The following USP34 variants were observed in gnomAD, a reference collection of about 807,000 sequenced individuals.
USP34 encodes ubiquitin specific peptidase 34.
In USP34, 70 loss-of-function variants were observed where a neutral mutation model predicts 460.3. The ratio of observed to expected loss-of-function variants is 0.15; its 90% CI spans 0.13 to 0.19. The LOEUF is 0.19. Among genes scored for constraint, USP34 ranks in the 10% least tolerant of loss-of-function variants. The pLI, the probability that USP34 is intolerant of heterozygous loss-of-function variation, is 1.00. For missense variants in USP34, 3,985 were observed against 4,236.2 expected (o/e 0.94, Z 1.65); for synonymous variants, 1,647 against 1,405.3 (o/e 1.17, Z -3.85).
chr2:61,412,904 AGAG>A (rs1235035568), intron 2 of USP34, among the ~76,000 whole-genome samples: 3 of 149,374 alleles, frequency 2.0e-5, no homozygotes, highest in South Asian at 2.1e-4. Flanking sequence ...AAAAAAAAAA[AGAG>A]AGAATATGAA....
chr2:61,361,909 T>C (rs1360233839), intron 10 of USP34, among the ~76,000 whole-genome samples: 1 of 152,084 alleles, frequency 6.6e-6, no homozygotes, highest in Non-Finnish European at 1.5e-5. Context: ...ACAAACCATG[T>C]ATTGATTAGG....
chr2:61,392,681 T>C (rs564501149), intron 5 of USP34, among the ~76,000 whole-genome samples: 6 of 152,292 alleles, frequency 3.9e-5, no homozygotes, highest in Admixed American at 6.5e-5. Context: ...TTTAAAGATA[T>C]AGTAATAAAG....
At chr2:61,249,498 T>C (rs1465164359) in intron 48 of USP34, among the ~76,000 whole-genome samples, 1 of 152,244 alleles carries the variant, frequency 6.6e-6, no homozygotes, top group Non-Finnish European at 1.5e-5. Context: ...AGACCTTGCC[T>C]GTCTGCAGGT....
chr2:61,189,584 C>G (rs1483097888), intron 78 of USP34: 1 of 152,504 alleles, frequency 6.6e-6, no homozygotes, highest in African/African-American at 2.4e-5. Context: ...CTCATTAGTT[C>G]TTAAAGTCAC....
intron 61 of USP34, among the ~76,000 whole-genome samples, 197 bp downstream of exon 61, chr2:61,228,448 C>A (rs958148739): frequency 6.6e-5 from 10 of 152,186 alleles, no homozygotes; most frequent in South Asian, 4.1e-4. Context: ...GAATGAACTT[C>A]ATTACCTAGT....
intron 10 of USP34, among the ~76,000 whole-genome samples, chr2:61,362,843 C>A (rs564859229): frequency 1.3e-5 from 2 of 152,190 alleles, no homozygotes; most frequent in Admixed American, 1.3e-4. Flanking sequence ...ATTAAAACAT[C>A]AAGTTGTACA....
At chr2:61,332,728 TC>T (rs530697734) in intron 19 of USP34, among the ~76,000 whole-genome samples, 221 of 152,108 alleles carry the variant, frequency 1.5e-3, no homozygotes, top group African/African-American at 5.1e-3. Context: ...CCCTTACCCC[TC>T]CTTTTGGAAG....
At chr2:61,226,908 G>T in intron 62 of USP34, 159 bp downstream of exon 62, 2 of 889,302 alleles carry the variant, frequency 2.2e-6, no homozygotes, top group Non-Finnish European at 3.2e-6. Context: ...ATGAATAGTA[G>T]TATTATTTAA....
At chr2:61,363,823 G>A (rs911006023) in intron 10 of USP34, among the ~76,000 whole-genome samples, 6 of 147,528 alleles carry the variant, frequency 4.1e-5, no homozygotes, top group African/African-American at 1.5e-4. Flanking sequence ...ACTGATGGAT[G>A]AATAAAATGC....
Position 61,227,092 on chromosome 2 carries a change from A to G in USP34, c.7570T>C (p.Leu2524=), listed in dbSNP as rs1434404152. 1 of 1,612,172 alleles carries G rather than the reference A, an allele frequency of 6.2e-7. No homozygotes were observed. The highest frequency in any genetic ancestry group is 2.2e-5 in the East Asian group (1 of 44,836). ...CTTTCTGATCGAGACTGTTCAACCAAAAGAGCAACTAAAGCTATCATCTTT... is the reference window on the plus strand; with the variant it reads ...CTTTCTGATCGAGACTGTTCAACCAGAAGAGCAACTAAAGCTATCATCTTT... ...LEKMIALVAL[L]VEQSRSERHL... Residue 2524 remains leucine, a synonymous_variant, in exon 62 of 80, where the codon TTG becomes CTG. Transcript: ENST00000398571.
At chr2:61,218,126 A>G (rs1229777418) in intron 67 of USP34, among the ~76,000 whole-genome samples, 2 of 151,894 alleles carry the variant, frequency 1.3e-5, no homozygotes, top group African/African-American at 2.4e-5. Flanking sequence ...TATTAGGCAT[A>G]ATAGCTGGCT....
At position 61,222,653 on chromosome 2, in the gene USP34, A is replaced by G; in HGVS notation, c.7760T>C (p.Met2587Thr). ...CAACTTTGCTATTGATGTGAAAAGC[A>G]TAGATACAATCTAAAACAGAAAGAG... Reference protein sequence around the residue: ...NNRLAEHIVSMLFTSIAKLTP... With the variant: ...NNRLAEHIVSTLFTSIAKLTP... Residue 2587 changes from methionine (M) to threonine (T), a missense_variant, in exon 65 of 80, where the codon ATG becomes ACG. Physicochemically the swap from Met to Thr is moderately conservative, Grantham distance 81. Coordinates refer to ENST00000398571, the MANE Select transcript of USP34 (RefSeq NM_014709.4). The G allele has an allele frequency of 6.2e-7, 1 of 1,612,078 alleles. No individual in the cohort carries two copies. Among genetic ancestry groups the G allele is most frequent in the Non-Finnish European group, 8.5e-7 (1 of 1,179,106 alleles).
At chr2:61,283,717 A>T (rs1474881150) in intron 35 of USP34, among the ~76,000 whole-genome samples, 1 of 152,130 alleles carries the variant, frequency 6.6e-6, no homozygotes, top group Non-Finnish European at 1.5e-5. Flanking sequence ...TCCAGGCTCA[A>T]GCAACCCTCC....
rs780626653 is a variant in USP34, at chr2:61,317,642, C to T, written c.3282+12G>A. On this transcript the variant is annotated intron_variant, in intron 23 of 79. Transcript: ENST00000398571. ...AATAAAGTTGCCTAATAAAGTAAGTCTAAATCCATACCTCAGAATTTGAAC... is the reference window on the plus strand; with the variant it reads ...AATAAAGTTGCCTAATAAAGTAAGTTTAAATCCATACCTCAGAATTTGAAC... 3 of 1,601,856 alleles carry T rather than the reference C, an allele frequency of 1.9e-6. No individual in the cohort carries two copies. Among genetic ancestry groups the T allele is most frequent in the Admixed American group, 3.4e-5 (2 of 58,330 alleles).
chr2:61,317,599 T>C, intron 23 of USP34, 55 bp downstream of exon 23: 1 of 1,467,220 alleles, frequency 6.8e-7, no homozygotes, highest in East Asian at 2.3e-5. Flanking sequence ...AAACCGAATT[T>C]GATAATCTAA....
chr2:61,362,867 AT>A (rs1452486538), intron 10 of USP34, among the ~76,000 whole-genome samples: 2 of 152,204 alleles, frequency 1.3e-5, no homozygotes, highest in East Asian at 3.8e-4. Context: ...TAAATACATA[AT>A]TTTTATATTT....
At chr2:61,456,977 T>C (rs1233881665) in intron 1 of USP34, among the ~76,000 whole-genome samples, 2 of 151,452 alleles carry the variant, frequency 1.3e-5, no homozygotes, top group Admixed American at 6.6e-5. Context: ...CAAGACTCTG[T>C]CTGAAAAAAC....
intron 1 of USP34, among the ~76,000 whole-genome samples, chr2:61,425,308 A>T (rs1694479991): frequency 6.6e-6 from 1 of 152,210 alleles, no homozygotes; most frequent in Admixed American, 6.5e-5. Flanking sequence ...AACAAAAATC[A>T]GGTGAGTACT....
rs148087960 is a variant in USP34 at position 61,303,043 on chromosome 2, A to G, written c.3818-1589T>C. On this transcript the variant is annotated intron_variant, in intron 27 of 79. Coordinates refer to ENST00000398571, the MANE Select transcript of USP34 (RefSeq NM_014709.4). ...GCTTATCTCCAAAAGTTTTATTCTC[A>G]CATTTTACAAAGACCTCATATTATT... Among the ~76,000 whole-genome samples, 1,012 of 152,176 alleles carry G rather than the reference A, an allele frequency of 6.7e-3. 14 individuals carry two copies. Among genetic ancestry groups the G allele is most frequent in the Non-Finnish European group, 0.011 (717 of 67,990 alleles).
Sources: allele counts gnomAD v4.1 joint callset (sites outside exome capture counted in the v4.1 genomes callset), GRCh38; gene constraint gnomAD v4.1.1; transcripts MANE v1.5; gene names NCBI Gene and HGNC (gene_info 2026-07-23, HGNC 2026-07-21).